Variants in RYR1 observed in about 807,000 individuals in gnomAD.
RYR1 encodes the protein central core disease of muscle.
RYR1 carries 342 observed loss-of-function variants against 583.5 expected under a neutral mutation model. The ratio of observed to expected loss-of-function variants is 0.59; its 90% CI spans 0.54 to 0.64. The LOEUF (loss-of-function observed/expected upper bound fraction) is 0.64. RYR1 is among the 30% of genes least tolerant of loss of function. RYR1 has a pLI of 0.00. For missense variants in RYR1, 6,032 were observed against 6,917.2 expected, an observed-to-expected ratio of 0.87 and a Z score of 4.54; for synonymous variants, 2,791 against 2,822.5, an observed-to-expected ratio of 0.99 and a Z score of 0.35.
chr19:38,440,668 A>G, intron 1 of RYR1, 77 bp from the exon 2 acceptor site: 1 of 1,551,916 alleles, frequency 6.4e-7, no homozygotes, highest in Non-Finnish European at 8.8e-7. Context: ...CCAGGGTGGG[A>G]GGAGGGGCCT....
chr19:38,527,157 C>A (rs1329665906), intron 72 of RYR1, 105 bp downstream of exon 72: 1 of 1,308,994 alleles, frequency 7.6e-7, no homozygotes, highest in Non-Finnish European at 1.1e-6. Context: ...AGAAAGACCT[C>A]AAAGGTCAGG....
chr19:38,512,272 C>G lies in RYR1; in HGVS notation c.9261C>G (p.Ile3087Met). ...ARTVMKSGPE[I>M]VKAGLRSFFE... The stretch of plus-strand genomic sequence containing the variant: ...CAGTGATGAAGTCAGGCCCTGAGAT[C>G]GTGAAGGCTGGCCTCCGCTCCTTCT... Residue 3087 changes from isoleucine (I) to methionine (M), a missense_variant, in exon 63 of 106, where the codon ATC (isoleucine) becomes ATG (methionine). Physicochemically the swap from Ile to Met is conservative, Grantham distance 10 (BLOSUM62 1). Coordinates refer to ENST00000359596, the MANE Select transcript of RYR1 (RefSeq NM_000540.3). This position sits in a 1 kb window ranked among gnomAD's most constrained non-coding sequence, Gnocchi z 5.1. 1 of 1,614,224 alleles carries G rather than the reference C, an allele frequency of 6.2e-7. No individual in the cohort carries two copies. The highest frequency in any genetic ancestry group is 8.5e-7 in the Non-Finnish European group (1 of 1,180,044).
At position 38,565,637 on chromosome 19, in the gene RYR1, G is replaced by T; in HGVS notation, c.13303G>T (p.Asp4435Tyr). ...GCACGAGGCCGGGCCGGGCGGTGCC[G>T]ACGGGGCGGTGGCCGTGACCGATGG... is the stretch of plus-strand genomic sequence containing the variant. ...AVHEAGPGGA[D>Y]GAVAVTDGGP... is the part of the protein sequence containing the mutation. The change falls in exon 91 of 106, where the codon GAC (aspartate) becomes TAC (tyrosine). Residue 4435 changes from aspartate (D) to tyrosine (Y), a missense_variant. Physicochemically the swap from Asp to Tyr is radical, Grantham distance 160. Transcript: ENST00000359596. This position sits in a 1 kb window ranked among gnomAD's most constrained non-coding sequence, Gnocchi z 4.7. 3 of 1,395,406 alleles carry T rather than the reference G, an allele frequency of 2.1e-6. No individual in the cohort carries two copies. Among genetic ancestry groups the T allele is most frequent in the South Asian group, 1.6e-5 (1 of 61,948 alleles). The allele number at this position is 1,395,406 out of a possible 1,614,324, so 86.4% of individuals were successfully genotyped here.
Position 38,502,706 on chromosome 19 carries a change from A to G in RYR1, c.7814A>G (p.Asp2605Gly), listed in dbSNP as rs1384381337. The change falls in exon 48 of 106, where the codon GAC becomes GGC. Residue 2605 changes from aspartate to glycine, a missense_variant. Physicochemically the swap from Asp to Gly is moderately conservative, Grantham distance 94. Around this residue, in one of 11 missense-constraint regions of RYR1, gnomAD observed 250 missense variants for 162.3 expected, o/e 1.54. Transcript: ENST00000359596. ...AAGGCGCAGCGTGACGTCATCGAGG[A>G]CTGCCTCATGTCGCTCTGCAGGTGG... ...LTKAQRDVIE[D>G]CLMSLCRYIR... 1 of 1,561,808 alleles carries G rather than the reference A, an allele frequency of 6.4e-7. No homozygotes were observed. The highest frequency in any genetic ancestry group is 8.7e-7 in the Non-Finnish European group (1 of 1,152,932).
At chr19:38,576,365 G>A (rs1973956264) in intron 97 of RYR1, among the ~76,000 whole-genome samples, 1 of 152,078 alleles carries the variant, frequency 6.6e-6, no homozygotes, top group African/African-American at 2.4e-5. Context: ...TGGGAGGATC[G>A]CTTAACCTGG....
At chr19:38,434,757 G>GGGTGT (rs1358464839) in intron 1 of RYR1, among the ~76,000 whole-genome samples, 1 of 152,168 alleles carries the variant, frequency 6.6e-6, no homozygotes, top group Non-Finnish European at 1.5e-5. Context: ...TGGCTCCGCA[G>GGGTGT]GGTGTGGGGT....
intron 24 of RYR1, among the ~76,000 whole-genome samples, chr19:38,467,017 C>T (rs1037143559): frequency 6.6e-6 from 1 of 152,158 alleles, no homozygotes; most frequent in African/African-American, 2.4e-5. Flanking sequence ...ACTCTGATTC[C>T]TGACCTCTAG....
At chr19:38,457,712 G>A in intron 17 of RYR1, 82 bp downstream of exon 17, 3 of 1,451,470 alleles carry the variant, frequency 2.1e-6, no homozygotes, top group Non-Finnish European at 2.9e-6. Context: ...CCAGATGGAT[G>A]TCCTTTCCTT....
chr19:38,466,410 C>T lies in RYR1; in HGVS notation c.3178+12C>T. On this transcript the variant is annotated intron_variant, in intron 24 of 105. Coordinates refer to ENST00000359596, the MANE Select transcript of RYR1 (RefSeq NM_000540.3). ...TGACCAGGAGCCCAGTGAGTGCTCA[C>T]CCCTGGCCCTGGCCCTGACTCCTAC... 6 of 1,542,496 alleles carry T rather than the reference C, an allele frequency of 3.9e-6. No homozygotes were observed. The highest frequency in any genetic ancestry group is 5.2e-6 in the Non-Finnish European group (6 of 1,146,858).
At chr19:38,552,542 CG>C (rs1972709832) in intron 89 of RYR1, among the ~76,000 whole-genome samples, 1 of 152,088 alleles carries the variant, frequency 6.6e-6, no homozygotes, top group South Asian at 2.1e-4. Context: ...TGAGCCACCG[CG>C]CCTGGCCAGG....
chr19:38,490,319 C>G (rs769014183), intron 36 of RYR1, 43 bp downstream of exon 36: 1 of 1,563,408 alleles, frequency 6.4e-7, no homozygotes, highest in African/African-American at 1.4e-5. Flanking sequence ...TGTCTAAACC[C>G]CAACCTCAAC....
At chr19:38,506,670 C>T in intron 56 of RYR1, 124 bp downstream of exon 56, 1 of 1,478,840 alleles carries the variant, frequency 6.8e-7, no homozygotes, top group Non-Finnish European at 9.3e-7. Context: ...CAGCGTTTAC[C>T]ACCATGGGGT....
At position 38,449,553 on chromosome 19, in the gene RYR1, A is replaced by G. The variant is rs141610573; in HGVS notation, c.1122+740A>G. 7.2e-5 allele frequency among the ~76,000 whole-genome samples: 11 copies of G among 152,318 alleles called. No homozygotes were observed. The East Asian group carries it at 1.9e-3, about 27-fold the overall frequency. On this transcript the variant is annotated intron_variant, in intron 11 of 105. Transcript: ENST00000359596. ...CAACTGAGAATAACTTTCAACAAACAATTACTGAGTACCCGCGTTGTTCTG... is the reference window on the plus strand; with the variant it reads ...CAACTGAGAATAACTTTCAACAAACGATTACTGAGTACCCGCGTTGTTCTG...
At chr19:38,479,863 C>G (rs143440088) in intron 31 of RYR1, among the ~76,000 whole-genome samples, 19 of 151,958 alleles carry the variant, frequency 1.3e-4, no homozygotes, top group African/African-American at 4.3e-4. Flanking sequence ...AACACAGGCA[C>G]GTGCCACCAT....
chr19:38,535,046 C>T, intron 79 of RYR1, 95 bp from the exon 80 acceptor site: 2 of 1,304,224 alleles, frequency 1.5e-6, no homozygotes, highest in Non-Finnish European at 1.1e-6. Flanking sequence ...CTTAAATCCC[C>T]TTCTCTCACA....
At chr19:38,577,813 CCATTTCT>C in intron 97 of RYR1, 98 bp from the exon 98 acceptor site, 1 of 1,495,480 alleles carries the variant, frequency 6.7e-7, no homozygotes, top group South Asian at 1.2e-5. Flanking sequence ...AATGCACCTC[CCATTTCT>C]CACTCAGAGT....
intron 31 of RYR1, among the ~76,000 whole-genome samples, chr19:38,481,108 G>A (rs945568528): frequency 9.9e-5 from 15 of 151,844 alleles, no homozygotes; most frequent in East Asian, 5.8e-4. Context: ...GGTGCCAACC[G>A]TACTCAACCT....
In RYR1 at chr19:38,469,203, C is replaced by T; in HGVS notation, c.3556+63C>T. 5.0e-6 allele frequency: 8 copies of T among 1,608,076 alleles called. No individual in the cohort carries two copies. The South Asian group carries it at 8.8e-5, about 18-fold the overall frequency. ...TTCCTCTGTCTCTCCCAACCCTGCA[C>T]TGCCCTTCTGCCTCCAACTCTCCCA... On this transcript the variant is annotated intron_variant, in intron 26 of 105. Coordinates refer to ENST00000359596, the MANE Select transcript of RYR1 (RefSeq NM_000540.3).
chr19:38,511,303 TAAAC>T (rs562432638), intron 60 of RYR1, among the ~76,000 whole-genome samples: 73 of 151,720 alleles, frequency 4.8e-4, no homozygotes, highest in Middle Eastern at 6.8e-3. Context: ...CTAAAAAAAA[TAAAC>T]AAACAAAGAA....
Sources: gnomAD v4.1 joint callset for allele counts (sites outside exome capture counted in the v4.1 genomes callset) on GRCh38, gnomAD v4.1.1 for gene constraint, gnomAD v4.1.1 regional missense constraint, Gnocchi (gnomAD v3.1) non-coding constraint, MANE v1.5 for transcripts, NCBI Gene and HGNC (gene_info 2026-07-23, HGNC 2026-07-21) for gene names.